Variants in RNGTT observed in about 807,000 individuals in gnomAD.
RNGTT encodes the protein mRNA-capping enzyme.
A neutral mutation model predicts 79.3 loss-of-function variants in RNGTT; 33 were observed. The ratio of observed to expected loss-of-function variants is 0.42; its 90% CI spans 0.32 to 0.56. RNGTT has a LOEUF of 0.56. RNGTT is among the 20% of genes least tolerant of loss of function. The pLI is 0.17. For missense variants in RNGTT, 497 were observed against 739.1 expected (o/e 0.67, Z 3.80); for synonymous variants, 222 against 235.9 (o/e 0.94, Z 0.54).
At chr6:88,712,282 C>T (rs935218405) in intron 13 of RNGTT, among the ~76,000 whole-genome samples, 2 of 152,054 alleles carry the variant, frequency 1.3e-5, no homozygotes, top group Non-Finnish European at 2.9e-5. Flanking sequence ...AATTTGGACT[C>T]GGGAAATAAA....
chr6:88,764,947 C>G (rs1264186806), intron 13 of RNGTT, among the ~76,000 whole-genome samples: 3 of 152,058 alleles, frequency 2.0e-5, no homozygotes, highest in Non-Finnish European at 4.4e-5. Flanking sequence ...AATCCCAGCA[C>G]TTTGGGAGGC....
At chr6:88,663,807 T>C (rs1774279875) in intron 14 of RNGTT, among the ~76,000 whole-genome samples, 2 of 152,138 alleles carry the variant, frequency 1.3e-5, no homozygotes, top group African/African-American at 4.8e-5. Flanking sequence ...AACGGTATAC[T>C]GGGGTAAATG....
At chr6:88,850,978 G>A (rs1781651440) in intron 9 of RNGTT, among the ~76,000 whole-genome samples, 2 of 151,828 alleles carry the variant, frequency 1.3e-5, no homozygotes. Flanking sequence ...GGCCTTCAAG[G>A]CTCATCTCTG....
chr6:88,651,879 C>T (rs1216216931), intron 14 of RNGTT, among the ~76,000 whole-genome samples: 1 of 151,928 alleles, frequency 6.6e-6, no homozygotes, highest in Non-Finnish European at 1.5e-5. Flanking sequence ...ATCAAACAAC[C>T]TAAAATGTCA....
chr6:88,852,236 C>T (rs1485866904), intron 9 of RNGTT, among the ~76,000 whole-genome samples: 2 of 152,074 alleles, frequency 1.3e-5, no homozygotes, highest in African/African-American at 4.8e-5. Flanking sequence ...GCCTTCTCCT[C>T]AACCCTCTAA....
chr6:88,704,208 C>T (rs1164631527), intron 13 of RNGTT, among the ~76,000 whole-genome samples: 5 of 128,040 alleles, frequency 3.9e-5, no homozygotes, highest in Admixed American at 2.2e-4. Context: ...TGCAGTGAGC[C>T]GAGATAGCAC....
intron 14 of RNGTT, among the ~76,000 whole-genome samples, chr6:88,664,576 A>G (rs997233940): frequency 5.9e-5 from 9 of 152,188 alleles, no homozygotes; most frequent in Non-Finnish European, 1.3e-4. Context: ...CCCTGAAAGG[A>G]CAAGGGAATG....
intron 11 of RNGTT, among the ~76,000 whole-genome samples, chr6:88,807,014 C>A (rs1471169555): frequency 6.6e-6 from 1 of 152,134 alleles, no homozygotes; most frequent in East Asian, 1.9e-4. Flanking sequence ...CACTGAATGT[C>A]CTCACTTATA....
At chr6:88,678,299 G>T (rs770874858) in intron 14 of RNGTT, 54 bp downstream of exon 14, 1 of 1,572,432 alleles carries the variant, frequency 6.4e-7, no homozygotes, top group Non-Finnish European at 8.6e-7. Flanking sequence ...GGTTTTGATG[G>T]ATTCTAGATA....
At chr6:88,758,043 G>T (rs954675396) in intron 13 of RNGTT, among the ~76,000 whole-genome samples, 1 of 152,086 alleles carries the variant, frequency 6.6e-6, no homozygotes, top group African/African-American at 2.4e-5. Flanking sequence ...ATTTTTAAAT[G>T]ATTTCATATC....
intron 13 of RNGTT, among the ~76,000 whole-genome samples, chr6:88,703,802 T>C (rs939916217): frequency 1.3e-5 from 2 of 152,182 alleles, no homozygotes; most frequent in Non-Finnish European, 2.9e-5. Flanking sequence ...TAATGTGGTA[T>C]CTCTCAGTTT....
At chr6:88,664,034 G>A (rs190875847) in intron 14 of RNGTT, among the ~76,000 whole-genome samples, 335 of 152,252 alleles carry the variant, frequency 2.2e-3, no homozygotes, top group Non-Finnish European at 4.2e-3. Context: ...AGTGCTCGAG[G>A]TAGCAACTAA....
chr6:88,849,686 A>C, intron 10 of RNGTT, 69 bp downstream of exon 10: 1 of 1,384,040 alleles, frequency 7.2e-7, no homozygotes. Context: ...GGCAGCACCA[A>C]AGACTATTGT....
chr6:88,633,009 G>C lies in RNGTT; in HGVS notation c.1507-18614C>G, dbSNP rs1364611422. Among the ~76,000 whole-genome samples, 3 of 152,244 alleles carry C rather than the reference G, an allele frequency of 2.0e-5. No homozygotes were observed. In the East Asian group the frequency reaches 5.8e-4, roughly 29 times the overall value. On this transcript the variant is annotated intron_variant, in intron 14 of 15. Coordinates refer to ENST00000369485, the MANE Select transcript of RNGTT (RefSeq NM_003800.5). Reference sequence around the variant, plus strand: ...ACCCATTTCTTCTGTAGTCCTTCTGGTATAACATTGCTACCAAAGCATAGT... The same window carrying C: ...ACCCATTTCTTCTGTAGTCCTTCTGCTATAACATTGCTACCAAAGCATAGT...
intron 13 of RNGTT, among the ~76,000 whole-genome samples, chr6:88,756,346 G>A (rs1018090838): frequency 2.6e-4 from 40 of 152,032 alleles, no homozygotes; most frequent in Middle Eastern, 3.4e-3. Context: ...GACGGTGCGC[G>A]CCTGTAATCC....
chr6:88,906,003 A>C (rs1261439876), intron 5 of RNGTT, among the ~76,000 whole-genome samples: 1 of 152,046 alleles, frequency 6.6e-6, no homozygotes, highest in Non-Finnish European at 1.5e-5. Context: ...AAAATTAGCC[A>C]GGCATGGGTG....
chr6:88,902,356 T>C (rs185329790), intron 6 of RNGTT, among the ~76,000 whole-genome samples: 73 of 152,218 alleles, frequency 4.8e-4, no homozygotes, highest in Admixed American at 8.5e-4. Flanking sequence ...TCCTACTACT[T>C]TGGGAGGCTA....
chr6:88,895,742 T>C (rs1783224478), intron 6 of RNGTT, among the ~76,000 whole-genome samples: 1 of 152,156 alleles, frequency 6.6e-6, no homozygotes, highest in African/African-American at 2.4e-5. Flanking sequence ...CAACCATAAA[T>C]GTAATAAGTA....
intron 11 of RNGTT, among the ~76,000 whole-genome samples, chr6:88,837,350 T>C (rs1036722018): frequency 2.0e-5 from 3 of 152,108 alleles, no homozygotes; most frequent in East Asian, 1.9e-4. Flanking sequence ...TGAGCTATAA[T>C]TGTGTCACTG....
Sources: allele counts gnomAD v4.1 joint callset (sites outside exome capture counted in the v4.1 genomes callset), GRCh38; gene constraint gnomAD v4.1.1; transcripts MANE v1.5; gene names NCBI Gene and HGNC (gene_info 2026-07-23, HGNC 2026-07-21).